NECTIN3: variants seen among roughly 807,000 people sequenced by gnomAD.
NECTIN3 encodes nectin-3.
Under a neutral mutation model 49.4 loss-of-function variants are expected in NECTIN3, and 8 were observed. The ratio of observed to expected loss-of-function variants is 0.16; its 90% CI spans 0.10 to 0.29. The LOEUF is 0.29. NECTIN3 is among the 10% of genes least tolerant of loss of function. NECTIN3 has a pLI of 1.00. For synonymous variants in NECTIN3, 277 were observed against 241.1 expected (o/e 1.15, Z -1.38); for missense variants, 581 against 654.6 (o/e 0.89, Z 1.23).
chr3:111,135,561 G>C lies in NECTIN3; in HGVS notation c.*1346G>C. On this transcript the variant is annotated 3_prime_UTR_variant, in exon 6 of 6. Transcript: ENST00000485303. The stretch of plus-strand genomic sequence containing the variant: ...CAACTATTTTGAAGCTGAAAGGATA[G>C]TTTTTCTATTGCTAAGTCATTTGAA... 1.0e-6 allele frequency: 1 copy of C among 979,384 alleles called. No homozygotes were observed. The highest frequency in any genetic ancestry group is 1.2e-6 in the Non-Finnish European group (1 of 824,560). 60.7% of individuals were successfully genotyped at this position (979,384 alleles called of 1,614,324 possible).
chr3:111,075,099 G>T (rs2031087046), intron 1 of NECTIN3: 1 of 151,906 alleles, frequency 6.6e-6, no homozygotes, highest in Non-Finnish European at 1.5e-5. Flanking sequence ...AGGCACTTGG[G>T]GACATAACAC....
chr3:111,093,425 G>GT (rs1394619166), intron 1 of NECTIN3, among the ~76,000 whole-genome samples: 10 of 73,210 alleles, frequency 1.4e-4, no homozygotes, highest in Middle Eastern at 8.1e-3. Context: ...TATTTTGTTG[G>GT]GTTTTTTTTT....
chr3:111,189,183 T>C (rs182094039), upstream of NECTIN3, among the ~76,000 whole-genome samples: 27 of 152,330 alleles, frequency 1.8e-4, no homozygotes, highest in East Asian at 4.0e-3. Context: ...AGAACATCAC[T>C]TAAATTGCCT....
intron 6 of NECTIN3, among the ~76,000 whole-genome samples, chr3:111,147,153 A>C (rs901050710): frequency 6.6e-6 from 1 of 152,148 alleles, no homozygotes; most frequent in Non-Finnish European, 1.5e-5. Context: ...CAATTCTTCT[A>C]TTTTAATTCC....
chr3:111,130,805 C>T (rs2034359377), intron 5 of NECTIN3, among the ~76,000 whole-genome samples: 1 of 152,060 alleles, frequency 6.6e-6, no homozygotes, highest in African/African-American at 2.4e-5. Context: ...TATAGTAGCT[C>T]TTTGACTAGT....
intron 7 of NECTIN3, among the ~76,000 whole-genome samples, chr3:111,152,602 A>T (rs2035022987): frequency 6.6e-6 from 1 of 151,896 alleles, no homozygotes; most frequent in South Asian, 2.1e-4. Flanking sequence ...TAGATGTGAA[A>T]ATATTTTGTT....
chr3:111,167,124 A>G (rs1455034266), intron 7 of NECTIN3, among the ~76,000 whole-genome samples: 2 of 152,236 alleles, frequency 1.3e-5, no homozygotes. Context: ...TTGTAGCCAC[A>G]TTCACTTTGT....
rs920919593 is a variant in NECTIN3, at chr3:111,112,015, T to G, written c.161-15T>G. The G allele has an allele frequency of 1.3e-6, 2 of 1,560,040 alleles. No homozygotes were observed. Among genetic ancestry groups the G allele is most frequent in the Non-Finnish European group, 1.7e-6 (2 of 1,153,406 alleles). Reference sequence around the variant, plus strand: ...TTCTATTTTAAAAATTGTAGTACTTTTTTTTCCTCCATAGGTGCCTTAGCT... The same window carrying G: ...TTCTATTTTAAAAATTGTAGTACTTGTTTTTCCTCCATAGGTGCCTTAGCT... On this transcript the variant is annotated splice_polypyrimidine_tract_variant and intron_variant, in intron 1 of 5. Transcript: ENST00000485303.
At chr3:111,179,251 A>G (rs2035585794) in intron 7 of NECTIN3, among the ~76,000 whole-genome samples, 1 of 151,782 alleles carries the variant, frequency 6.6e-6, no homozygotes, top group Non-Finnish European at 1.5e-5. Context: ...CACAGCATTC[A>G]CTCCCTTCCC....
At chr3:111,092,238 G>A (rs549781663) in intron 1 of NECTIN3, among the ~76,000 whole-genome samples, 2 of 152,148 alleles carry the variant, frequency 1.3e-5, no homozygotes, top group East Asian at 3.9e-4. Flanking sequence ...ATTTCTTTTG[G>A]TCTGTAGGTT....
intron 1 of NECTIN3, among the ~76,000 whole-genome samples, chr3:111,094,805 G>A (rs1168792273): frequency 6.6e-6 from 1 of 152,160 alleles, no homozygotes; most frequent in Non-Finnish European, 1.5e-5. Flanking sequence ...CCTGCCTAGT[G>A]TATACCCAAA....
At chr3:111,072,585 T>C in intron 1 of NECTIN3, 2 of 1,534,392 alleles carry the variant, frequency 1.3e-6, no homozygotes, top group Non-Finnish European at 1.7e-6. Flanking sequence ...CCAGAAACCC[T>C]AGGGACCGGA....
chr3:111,106,776 AT>A, intron 1 of NECTIN3, among the ~76,000 whole-genome samples: 1 of 152,308 alleles, frequency 6.6e-6, no homozygotes, highest in Non-Finnish European at 1.5e-5. Context: ...AAGGATTCAT[AT>A]CTTAGAGATT....
At chr3:111,112,688 A>G (rs955433662) in intron 2 of NECTIN3, among the ~76,000 whole-genome samples, 5 of 151,856 alleles carry the variant, frequency 3.3e-5, no homozygotes, top group African/African-American at 9.7e-5. Flanking sequence ...CCTCCCCTCA[A>G]ATTTTCAGCC....
At chr3:111,154,030 G>A (rs1317742498) in intron 7 of NECTIN3, among the ~76,000 whole-genome samples, 1 of 152,096 alleles carries the variant, frequency 6.6e-6, no homozygotes, top group Non-Finnish European at 1.5e-5. Flanking sequence ...CACATATTAA[G>A]AATGTAAATT....
At chr3:111,178,247 T>C (rs561672638) in intron 7 of NECTIN3, among the ~76,000 whole-genome samples, 1 of 152,328 alleles carries the variant, frequency 6.6e-6, no homozygotes, top group South Asian at 2.1e-4. Context: ...ATATTCTATC[T>C]TGCAAATAAA....
At chr3:111,109,761 G>A (rs950356238) in intron 1 of NECTIN3, among the ~76,000 whole-genome samples, 40 of 151,812 alleles carry the variant, frequency 2.6e-4, no homozygotes, top group Non-Finnish European at 4.4e-5. Context: ...GTCTGTTAGT[G>A]TTTTGAAATA....
chr3:111,153,405 A>C (rs1255405061), intron 7 of NECTIN3, among the ~76,000 whole-genome samples: 1 of 152,028 alleles, frequency 6.6e-6, no homozygotes, highest in African/African-American at 2.4e-5. Context: ...AAATTAAAGG[A>C]GATACAGATG....
chr3:111,084,742 G>A (rs929755937), intron 1 of NECTIN3, among the ~76,000 whole-genome samples: 1 of 152,150 alleles, frequency 6.6e-6, no homozygotes, highest in Non-Finnish European at 1.5e-5. Context: ...ATAATTCTAG[G>A]ATATAAGAAA....
Sources: gnomAD v4.1 joint callset for allele counts (sites outside exome capture counted in the v4.1 genomes callset) on GRCh38, gnomAD v4.1.1 for gene constraint, MANE v1.5 for transcripts, NCBI Gene and HGNC (gene_info 2026-07-23, HGNC 2026-07-21) for gene names.